SLC75A1: variants seen among roughly 807,000 people sequenced by gnomAD.
SLC75A1 encodes solute carrier family 75 member 1, also known as major facilitator superfamily domain containing 10.
At chr4:2,933,386 C>T in the SLC75A1 span, among the ~76,000 whole-genome samples, 4 of 152,176 alleles carry the variant, frequency 2.6e-5, no homozygotes, top group South Asian at 2.1e-4. Flanking sequence ...AGGATCTGAA[C>T]GTGACACGCG....
the SLC75A1 span, chr4:2,934,357 G>C: frequency 1.4e-4 from 29 of 208,840 alleles, no homozygotes; most frequent in African/African-American, 6.1e-4. Context: ...TCCGGCCCCT[G>C]GCCCGGACTC....
the SLC75A1 span, chr4:2,933,042 C>T: frequency 2.0e-6 from 3 of 1,510,984 alleles, no homozygotes; most frequent in Non-Finnish European, 2.7e-6. Context: ...CCCACCTAAC[C>T]CCATGGGGCT....
the SLC75A1 span, chr4:2,931,624 G>C: frequency 6.2e-7 from 1 of 1,613,648 alleles, no homozygotes; most frequent in Non-Finnish European, 8.5e-7. Flanking sequence ...TGGTGGCCAT[G>C]GTGAGGCCGA....
At chr4:2,930,600 A>T in the SLC75A1 span, 1 of 575,722 alleles carries the variant, frequency 1.7e-6, no homozygotes, top group African/African-American at 1.9e-5. Context: ...CATCATCAGA[A>T]ACCTGGTGCA....
chr4:2,933,289 C>CCCCGTCCTGAGGGTCCAGT, the SLC75A1 span: 1 of 1,382,008 alleles, frequency 7.2e-7, no homozygotes, highest in Non-Finnish European at 1.0e-6. Context: ...CAATGTCCAG[C>CCCCGTCCTGAGGGTCCAGT]CCCGTCCTGA....
chr4:2,931,648 C>G, the SLC75A1 span: 1 of 1,613,454 alleles, frequency 6.2e-7, no homozygotes, highest in Non-Finnish European at 8.5e-7. Context: ...GGAAAAACAT[C>G]TTCCCCTGCT....
At chr4:2,934,011 C>T in the SLC75A1 span, 1 of 1,396,654 alleles carries the variant, frequency 7.2e-7, no homozygotes. Flanking sequence ...CATACCCCCA[C>T]ACCCGACAGC....
At chr4:2,931,355 G>T in the SLC75A1 span, 1 of 1,545,320 alleles carries the variant, frequency 6.5e-7, no homozygotes, top group Admixed American at 2.0e-5. Flanking sequence ...CGGATCCCCT[G>T]CCAGGGCAGG....
At chr4:2,932,257 C>T in the SLC75A1 span, 4 of 1,550,196 alleles carry the variant, frequency 2.6e-6, no homozygotes, top group Non-Finnish European at 2.6e-6. Context: ...CCCAGCCTCC[C>T]TGGCATCTGG....
the SLC75A1 span, chr4:2,934,714 A>C: frequency 1.8e-3 from 17 of 9,436 alleles, no homozygotes; most frequent in African/African-American, 2.6e-3. Context: ...TCCCACCCCC[A>C]ACCCGAGCGC....
the SLC75A1 span, chr4:2,931,747 C>T: frequency 3.9e-6 from 6 of 1,547,234 alleles, no homozygotes; most frequent in Non-Finnish European, 5.3e-6. Context: ...CCAAGGCTTC[C>T]TGGGGATGGG....
chr4:2,933,443 C>G, the SLC75A1 span: 3 of 1,104,186 alleles, frequency 2.7e-6, no homozygotes, highest in Non-Finnish European at 4.1e-6. Context: ...GGCAAGGGCA[C>G]CAGACATGCC....
chr4:2,932,931 C>T, the SLC75A1 span: 2 of 1,068,030 alleles, frequency 1.9e-6, no homozygotes, highest in Admixed American at 2.9e-5. Flanking sequence ...TCCTTGAAAG[C>T]CTGGCTCTGG....
chr4:2,933,318 C>T, the SLC75A1 span: 1 of 1,140,832 alleles, frequency 8.8e-7, no homozygotes, highest in South Asian at 1.4e-5. Context: ...TCATGCTGGG[C>T]CCTACACTCA....
the SLC75A1 span, chr4:2,931,803 C>T: frequency 2.5e-6 from 4 of 1,573,702 alleles, no homozygotes; most frequent in South Asian, 4.6e-5. Context: ...AGACAGCAGG[C>T]CGTCGCCAGA....
At chr4:2,932,449 G>A in the SLC75A1 span, 1 of 1,613,776 alleles carries the variant, frequency 6.2e-7, no homozygotes, top group Non-Finnish European at 8.5e-7. Flanking sequence ...ATTTCCAGGG[G>A]CAGGGAGGCT....
chr4:2,934,170 G>A, the SLC75A1 span: 1 of 572,562 alleles, frequency 1.7e-6, no homozygotes, highest in South Asian at 2.1e-5. Context: ...AAAGGCAACG[G>A]TCCTGAGAGA....
the SLC75A1 span, chr4:2,931,531 C>T: frequency 3.2e-4 from 509 of 1,604,900 alleles, no homozygotes; most frequent in Non-Finnish European, 3.7e-4. Context: ...CTGCCTGCCA[C>T]CCGCTTTGGA....
At chr4:2,930,609 C>T in the SLC75A1 span, 1 of 586,148 alleles carries the variant, frequency 1.7e-6, no homozygotes, top group South Asian at 2.1e-5. Context: ...AAACCTGGTG[C>T]ATAGTTTAAA....
Sources: allele counts gnomAD v4.1 joint callset (sites outside exome capture counted in the v4.1 genomes callset), GRCh38; gene constraint gnomAD v4.1.1; transcripts MANE v1.5; gene names NCBI Gene and HGNC (gene_info 2026-07-23, HGNC 2026-07-21).